The following ABCC6 variants were observed in gnomAD, a reference collection of about 807,000 sequenced individuals.
ABCC6 encodes ATP-binding cassette sub-family C member 6.
In ABCC6, 126 loss-of-function variants were observed where a neutral mutation model predicts 169.5. The ratio of observed to expected loss-of-function variants is 0.74; its 90% CI spans 0.64 to 0.86. The LOEUF is 0.86. Among genes scored for constraint, ABCC6 ranks in the 40% least tolerant of loss-of-function variants. The pLI, the probability that ABCC6 is intolerant of heterozygous loss-of-function variation, is 0.00. For synonymous variants in ABCC6, 752 were observed against 814.7 expected, an observed-to-expected ratio of 0.92 and a Z score of 1.31; for missense variants, 1,733 against 1,927.2, an observed-to-expected ratio of 0.90 and a Z score of 1.89.
rs1425697662 is a variant in ABCC6, at chr16:16,221,732, C to T, written c.136G>A (p.Val46Ile). Residue 46 changes from valine to isoleucine, a missense_variant, in exon 2 of 31, where the codon GTC becomes ATC. Physicochemically the swap from Val to Ile is conservative, Grantham distance 29. Coordinates refer to ENST00000205557, the MANE Select transcript of ABCC6 (RefSeq NM_001171.6). ...GVWVPPMYLW[V>I]LGPIYLLFIH... ...AAGAGGAGGTAGATGGGACCAAGGACCCAGAGGTACATGGGGGGTACCCAG... is the reference window on the plus strand; with the variant it reads ...AAGAGGAGGTAGATGGGACCAAGGATCCAGAGGTACATGGGGGGTACCCAG... 4 of 1,613,602 alleles carry T rather than the reference C, an allele frequency of 2.5e-6. No individual in the cohort carries two copies. Among genetic ancestry groups the T allele is most frequent in the Non-Finnish European group, 3.4e-6 (4 of 1,179,800 alleles).
In ABCC6 at chr16:16,203,619, G is replaced by A. The variant is rs759780851; in HGVS notation, c.795-6C>T. Reference sequence around the variant, plus strand: ...ATGCTATTGCCTTGTTGTGCCTGAGGGGAAGGGAGAGATTAGCTCTGGGTC... The same window carrying A: ...ATGCTATTGCCTTGTTGTGCCTGAGAGGAAGGGAGAGATTAGCTCTGGGTC... On this transcript the variant is annotated splice_region_variant and splice_polypyrimidine_tract_variant and intron_variant, in intron 7 of 30. Transcript: ENST00000205557. 6 of 1,613,998 alleles carry A rather than the reference G, an allele frequency of 3.7e-6. No homozygotes were observed. In the East Asian group the frequency reaches 8.9e-5, roughly 24 times the overall value.
chr16:16,162,414 G>C (rs1438914132), intron 24 of ABCC6, among the ~76,000 whole-genome samples: 2 of 152,168 alleles, frequency 1.3e-5, no homozygotes, highest in Non-Finnish European at 2.9e-5. Context: ...ATCATCTATA[G>C]AACAGTTTCT....
At chr16:16,183,028 GGA>G in intron 15 of ABCC6, 98 bp from the exon 16 acceptor site, 1 of 1,591,218 alleles carries the variant, frequency 6.3e-7, no homozygotes, top group Middle Eastern at 1.7e-4. Context: ...TCCTGCTCTG[GGA>G]GTCTCCAAGA....
intron 4 of ABCC6, among the ~76,000 whole-genome samples, chr16:16,215,473 GTA>G (rs1491031627): frequency 3.9e-5 from 5 of 127,038 alleles, no homozygotes; most frequent in African/African-American, 1.2e-4. Flanking sequence ...GTGTGTGTGT[GTA>G]TACTTTTTTT....
At chr16:16,188,645 G>A (rs980491969) in intron 13 of ABCC6, among the ~76,000 whole-genome samples, 186 bp downstream of exon 13, 1 of 152,146 alleles carries the variant, frequency 6.6e-6, no homozygotes, top group Admixed American at 6.5e-5. Flanking sequence ...CCTTCCAGAT[G>A]TATTTGCTGT....
At chr16:16,187,924 TAAATAAA>T (rs2065926106) in intron 13 of ABCC6, among the ~76,000 whole-genome samples, 2 of 147,580 alleles carry the variant, frequency 1.4e-5, no homozygotes, top group Admixed American at 6.8e-5. Context: ...AATAAATAAA[TAAATAAA>T]TAAATAAATA....
At chr16:16,212,904 T>C (rs989776318) in intron 5 of ABCC6, among the ~76,000 whole-genome samples, 11 of 152,150 alleles carry the variant, frequency 7.2e-5, no homozygotes, top group African/African-American at 2.7e-4. Flanking sequence ...CGTGCGATTT[T>C]TGTCAGGTGC....
intron 17 of ABCC6, among the ~76,000 whole-genome samples, chr16:16,179,566 C>A (rs1263391620): frequency 6.6e-6 from 1 of 151,916 alleles, no homozygotes; most frequent in Non-Finnish European, 1.5e-5. Context: ...TGATTGTGCA[C>A]TTCTATTATT....
At chr16:16,191,797 T>C (rs1196812017) in intron 11 of ABCC6, among the ~76,000 whole-genome samples, 2 of 150,390 alleles carry the variant, frequency 1.3e-5, no homozygotes, top group Non-Finnish European at 3.0e-5. Context: ...CCCTCCCTCC[T>C]TCCTCTCCTC....
At chr16:16,171,216 T>C (rs1286037588) in intron 21 of ABCC6, among the ~76,000 whole-genome samples, 1 of 151,812 alleles carries the variant, frequency 6.6e-6, no homozygotes, top group African/African-American at 2.4e-5. Context: ...GTGGTCTCTA[T>C]TTCATCATTC....
chr16:16,177,428 G>C (rs771465667), intron 19 of ABCC6, 24 bp downstream of exon 19: 2 of 1,613,852 alleles, frequency 1.2e-6, no homozygotes, highest in Non-Finnish European at 1.7e-6. Context: ...CAGGCCTGGA[G>C]AATCAGCAAA....
intron 2 of ABCC6, 58 bp from the exon 3 acceptor site, chr16:16,220,005 G>A (rs2049022073): frequency 2.0e-6 from 3 of 1,530,912 alleles, no homozygotes; most frequent in Non-Finnish European, 2.7e-6. Context: ...CAGCAAACTG[G>A]TAGGCGGCCC....
At chr16:16,161,696 C>A in intron 24 of ABCC6, 132 bp from the exon 25 acceptor site, 1 of 1,238,302 alleles carries the variant, frequency 8.1e-7, no homozygotes, top group Non-Finnish European at 1.2e-6. Flanking sequence ...CACATGCAAC[C>A]CAGGCTCAGG....
rs72657694 is a variant in ABCC6 at position 16,165,761 on chromosome 16, G to A, written c.3168C>T (p.Asp1056=). 8.5e-5 allele frequency: 137 copies of A among 1,613,784 alleles called. No homozygotes were observed. In the Middle Eastern group the frequency reaches 2.3e-3, roughly 27 times the overall value. Residue 1056 remains aspartate (D), a synonymous_variant, in exon 23 of 31, where the codon GAC becomes GAT. Transcript: ENST00000205557. ...NRFSKETDTV[D]VDIPDKLRSL... ...ACCGGAGTTTGTCTGGAATGTCCACGTCAACCGTGTCTGTCTCCTTGGAGA... is the reference window on the plus strand; with the variant it reads ...ACCGGAGTTTGTCTGGAATGTCCACATCAACCGTGTCTGTCTCCTTGGAGA...
chr16:16,203,205 T>A (rs2048297902), intron 8 of ABCC6, among the ~76,000 whole-genome samples: 1 of 152,266 alleles, frequency 6.6e-6, no homozygotes. Flanking sequence ...TGCAGTCAGG[T>A]AAGAGCTTGC....
In ABCC6 at chr16:16,182,495, G is replaced by C. The variant is rs2047509751; in HGVS notation, c.2164C>G (p.Leu722Val). 1 of 1,614,098 alleles carries C rather than the reference G, an allele frequency of 6.2e-7. No homozygotes were observed. The highest frequency in any genetic ancestry group is 1.3e-5 in the African/African-American group (1 of 74,934). Residue 722 changes from leucine (L) to valine (V), a missense_variant, in exon 17 of 31, where the codon CTG becomes GTG. Transcript: ENST00000205557. ...CFGQELDPPW[L>V]ERVLEACALQ... ...GCACAGGCTTCTAGTACTCTCTCCA[G>C]CCAGGGTGGGTCCAGCTCCTGCCCG...
chr16:16,188,698 C>T, intron 13 of ABCC6, 133 bp downstream of exon 13: 2 of 1,313,012 alleles, frequency 1.5e-6, no homozygotes, highest in East Asian at 5.1e-5. Context: ...CGCCTCTTTT[C>T]CAGCTCCACA....
At chr16:16,195,147 A>T (rs7192303) in intron 10 of ABCC6, among the ~76,000 whole-genome samples, 26,320 of 151,814 alleles carry the variant, frequency 0.17, 3,873 homozygotes, top group East Asian at 0.54. Flanking sequence ...TGTCTGGGGG[A>T]AAAATGGTAT....
chr16:16,219,361 G>C (rs1596774620), intron 4 of ABCC6, among the ~76,000 whole-genome samples, 193 bp downstream of exon 4: 2 of 152,318 alleles, frequency 1.3e-5, no homozygotes, highest in African/African-American at 2.4e-5. Context: ...AAATTGTGTT[G>C]ATAAGAAATG....
Sources: allele counts gnomAD v4.1 joint callset (sites outside exome capture counted in the v4.1 genomes callset), GRCh38; gene constraint gnomAD v4.1.1; transcripts MANE v1.5; gene names NCBI Gene and HGNC (gene_info 2026-07-23, HGNC 2026-07-21).